Variants in CDC40 observed in about 807,000 individuals in gnomAD.
CDC40 encodes cell division cycle 40.
A neutral mutation model predicts 80.6 loss-of-function variants in CDC40; 27 were observed. The ratio of observed to expected loss-of-function variants is 0.33; its 90% confidence interval spans 0.25 to 0.46. CDC40 has a LOEUF of 0.46. Ranked by LOEUF, CDC40 falls within the 20% of genes least tolerant of loss-of-function variation. The pLI is 1.00. For missense variants in CDC40, 486 were observed against 694.1 expected, an observed-to-expected ratio of 0.70 and a Z score of 3.37; for synonymous variants, 221 against 232.6, an observed-to-expected ratio of 0.95 and a Z score of 0.45.
chr6:110,212,346 G>A (rs1381585257), intron 7 of CDC40, 74 bp downstream of exon 7: 2 of 1,449,186 alleles, frequency 1.4e-6, no homozygotes, highest in Admixed American at 1.7e-5. Context: ...AGCTGTTGAT[G>A]TGGAACATTT....
intron 1 of CDC40, among the ~76,000 whole-genome samples, chr6:110,181,120 A>G (rs1777182280): frequency 6.6e-6 from 1 of 152,234 alleles, no homozygotes; most frequent in Non-Finnish European, 1.5e-5. Context: ...ATCTGTCTAC[A>G]TGAAAAGATG....
At chr6:110,187,905 A>G (rs1777295890) in intron 1 of CDC40, among the ~76,000 whole-genome samples, 1 of 152,188 alleles carries the variant, frequency 6.6e-6, no homozygotes, top group African/African-American at 2.4e-5. Context: ...CCAATTGCAT[A>G]CCTAATTGGT....
rs755576410 is a variant in CDC40 at position 110,193,165 on chromosome 6, T to C, written c.190-17T>C. On this transcript the variant is annotated splice_polypyrimidine_tract_variant and intron_variant, in intron 1 of 14. Transcript: ENST00000307731. ...TCATTTATCAGATCATTAATATTTA[T>C]TTGGTATTCTTTTTAGGAAGATTTG... is the stretch of plus-strand genomic sequence containing the variant. 9 of 1,479,550 alleles carry C rather than the reference T, an allele frequency of 6.1e-6. No individual in the cohort carries two copies. The Admixed American group carries it at 1.2e-4, about 19-fold the overall frequency. The allele number at this position is 1,479,550 out of a possible 1,614,324, so 91.7% of individuals were successfully genotyped here. A position where few individuals can be genotyped will look rare whatever the true frequency, so the allele number is the denominator to read the frequency against.
At chr6:110,192,256 A>G (rs1777361941) in intron 1 of CDC40, among the ~76,000 whole-genome samples, 1 of 152,234 alleles carries the variant, frequency 6.6e-6, no homozygotes, top group African/African-American at 2.4e-5. Context: ...CAAGATGTTA[A>G]GTTGAACCAC....
intron 6 of CDC40, 108 bp from the exon 7 acceptor site, chr6:110,212,025 C>A: frequency 1.1e-6 from 1 of 913,442 alleles, no homozygotes. Context: ...TTACCTAAAC[C>A]TTAATATGGA....
Position 110,193,255 on chromosome 6 carries a change from T to C in CDC40, c.263T>C (p.Met88Thr), listed in dbSNP as rs2114651523. Reference sequence around the variant, plus strand: ...CAGTATAATCCTACCTATGAGACCATGTTTGCTCCTGAGGTAAGAAAACAT... The same window carrying C: ...CAGTATAATCCTACCTATGAGACCACGTTTGCTCCTGAGGTAAGAAAACAT... The part of the protein sequence containing the change: ...EVQYNPTYET[M>T]FAPEFGPENP... Residue 88 changes from methionine to threonine, a missense_variant, in exon 2 of 15, where the codon ATG becomes ACG. Met to Thr is a moderately conservative substitution (Grantham distance 81). Around this residue, in one of 3 missense-constraint regions of CDC40, gnomAD observed 381 missense variants for 492.1 expected, o/e 0.77. Transcript: ENST00000307731. 1.3e-6 allele frequency: 2 copies of C among 1,595,470 alleles called. No homozygotes were observed. The highest frequency in any genetic ancestry group is 1.3e-5 in the African/African-American group (1 of 74,716).
intron 12 of CDC40, among the ~76,000 whole-genome samples, chr6:110,225,947 T>C (rs1047975321): frequency 1.3e-5 from 2 of 152,238 alleles, no homozygotes; most frequent in Non-Finnish European, 2.9e-5. Context: ...ACCACTGTTA[T>C]AATGATCATG....
intron 8 of CDC40, among the ~76,000 whole-genome samples, 197 bp downstream of exon 8, chr6:110,213,357 C>T (rs992650030): frequency 6.6e-6 from 1 of 151,798 alleles, no homozygotes; most frequent in Non-Finnish European, 1.5e-5. Context: ...ATTGGCTAGG[C>T]CCCTTTTTTT....
chr6:110,230,096 T>A lies in CDC40; in HGVS notation c.1705T>A (p.Cys569Ser). The change falls in exon 15 of 15, where the codon TGT becomes AGT. Residue 569 changes from cysteine to serine, a missense_variant. Around this residue, in one of 3 missense-constraint regions of CDC40, gnomAD observed 88 missense variants for 138.7 expected, o/e 0.63. Coordinates refer to ENST00000307731, the MANE Select transcript of CDC40 (RefSeq NM_015891.3). Reference protein sequence around the residue: ...HPHETSKVITCGWDGLIKLWD With the variant: ...HPHETSKVITSGWDGLIKLWD Reference sequence around the variant, plus strand: ...TCATGAAACTTCTAAGGTCATAACATGTGGTTGGGATGGTCTCATTAAATT... The same window carrying A: ...TCATGAAACTTCTAAGGTCATAACAAGTGGTTGGGATGGTCTCATTAAATT... 1 of 1,612,544 alleles carries A rather than the reference T, an allele frequency of 6.2e-7. No homozygotes were observed. Among genetic ancestry groups the A allele is most frequent in the Non-Finnish European group, 8.5e-7 (1 of 1,178,796 alleles).
At position 110,212,219 on chromosome 6, in the gene CDC40, G is replaced by C; in HGVS notation, c.814G>C (p.Glu272Gln). The C allele has an allele frequency of 6.2e-7, 1 of 1,613,958 alleles. No homozygotes were observed. Among genetic ancestry groups the C allele is most frequent in the Non-Finnish European group, 8.5e-7 (1 of 1,179,868 alleles). Residue 272 changes from glutamate (E) to glutamine (Q), a missense_variant, in exon 7 of 15, where the codon GAG (glutamate) becomes CAG (glutamine). Glu to Gln is a conservative substitution (Grantham distance 29). Around this residue, in one of 3 missense-constraint regions of CDC40, gnomAD observed 381 missense variants for 492.1 expected, o/e 0.77. Transcript: ENST00000307731. ...GVNLRSTMPP[E>Q]KCYLPKKQIH... is the part of the protein sequence containing the mutation. ...TAATCTACGGTCAACTATGCCACCT[G>C]AGAAGTGTTATCTTCCCAAAAAACA...
intron 1 of CDC40, among the ~76,000 whole-genome samples, chr6:110,188,352 T>A (rs1029437839): frequency 7.9e-5 from 12 of 152,234 alleles, no homozygotes; most frequent in Admixed American, 7.9e-4. Context: ...AATTTAGCTT[T>A]TATGCAGTTT....
At chr6:110,209,310 T>G in intron 5 of CDC40, 87 bp downstream of exon 5, 1 of 1,238,098 alleles carries the variant, frequency 8.1e-7, no homozygotes, top group Admixed American at 1.8e-5. Context: ...GAGATTTCTT[T>G]AGAGAACCAA....
chr6:110,187,006 A>C (rs1484861348), intron 1 of CDC40, among the ~76,000 whole-genome samples: 1 of 151,686 alleles, frequency 6.6e-6, no homozygotes, highest in Non-Finnish European at 1.5e-5. Flanking sequence ...TTTGAGACGG[A>C]GTCTCGCTGT....
chr6:110,180,781 C>A (rs1381715710), intron 1 of CDC40, 148 bp downstream of exon 1: 11 of 632,752 alleles, frequency 1.7e-5, no homozygotes, highest in Non-Finnish European at 2.7e-5. Context: ...CCACATGCAT[C>A]CTCGGGAGAG....
chr6:110,208,414 A>G (rs1777591079), intron 4 of CDC40, among the ~76,000 whole-genome samples: 3 of 152,174 alleles, frequency 2.0e-5, no homozygotes, highest in Non-Finnish European at 2.9e-5. Context: ...CAAGTTAATG[A>G]CTATACACAG....
chr6:110,220,414 C>A (rs1287059356), intron 12 of CDC40, among the ~76,000 whole-genome samples: 1 of 151,324 alleles, frequency 6.6e-6, no homozygotes, highest in Non-Finnish European at 1.5e-5. Flanking sequence ...CTAGGGAGGC[C>A]CCACAATCAT....
intron 3 of CDC40, among the ~76,000 whole-genome samples, chr6:110,202,543 T>C (rs1777506773): frequency 6.6e-6 from 1 of 152,224 alleles, no homozygotes; most frequent in African/African-American, 2.4e-5. Flanking sequence ...TTAGTTCTCT[T>C]GTTTCCTTTA....
At chr6:110,214,626 T>C (rs1402233507) in intron 8 of CDC40, among the ~76,000 whole-genome samples, 1 of 152,224 alleles carries the variant, frequency 6.6e-6, no homozygotes, top group Non-Finnish European at 1.5e-5. Context: ...CTACAGTAAC[T>C]GAGACTGTGT....
chr6:110,220,891 T>A (rs1273914416), intron 12 of CDC40, among the ~76,000 whole-genome samples: 1 of 152,124 alleles, frequency 6.6e-6, no homozygotes, highest in East Asian at 1.9e-4. Flanking sequence ...TTCAGTTATC[T>A]CCCACAGGGT....
Sources: gnomAD v4.1 joint callset for allele counts (sites outside exome capture counted in the v4.1 genomes callset) on GRCh38, gnomAD v4.1.1 for gene constraint, gnomAD v4.1.1 regional missense constraint, MANE v1.5 for transcripts, NCBI Gene and HGNC (gene_info 2026-07-23, HGNC 2026-07-21) for gene names.